The following TENM3 variants were observed in gnomAD, a reference collection of about 807,000 sequenced individuals.
The protein encoded by TENM3 is teneurin-3.
Under a neutral mutation model 255.1 loss-of-function variants are expected in TENM3, and 63 were observed. That is an observed-to-expected ratio of 0.25 (90% CI 0.20 to 0.30). TENM3 has a LOEUF of 0.30. TENM3 is among the 10% of genes least tolerant of loss of function. The probability of loss-of-function intolerance (pLI) is 1.00; values close to 1 mark genes in which losing one functional copy is unlikely to be tolerated. For synonymous variants in TENM3, 1,306 were observed against 1,322.3 expected, an observed-to-expected ratio of 0.99 and a Z score of 0.27; for missense variants, 2,929 against 3,461.1, an observed-to-expected ratio of 0.85 and a Z score of 3.86.
the TENM3 span, among the ~76,000 whole-genome samples, chr4:181,922,993 C>T: frequency 5.9e-5 from 9 of 152,162 alleles, no homozygotes; most frequent in African/African-American, 1.9e-4. Flanking sequence ...TCGTTATGTA[C>T]CCAGTAGTCA....
intron 4 of TENM3, among the ~76,000 whole-genome samples, chr4:182,620,820 C>G (rs946260219): frequency 1.3e-5 from 2 of 152,120 alleles, no homozygotes; most frequent in Non-Finnish European, 2.9e-5. Flanking sequence ...CCTCAAACTT[C>G]TGGGCTTAAG....
chr4:181,879,621 T>G, the TENM3 span, among the ~76,000 whole-genome samples: 4 of 152,180 alleles, frequency 2.6e-5, no homozygotes, highest in African/African-American at 9.7e-5. Context: ...GTTTTTAAAA[T>G]TCATATACAG....
the TENM3 span, among the ~76,000 whole-genome samples, chr4:181,743,527 A>T: frequency 6.6e-6 from 1 of 152,158 alleles, no homozygotes; most frequent in Non-Finnish European, 1.5e-5. Context: ...AAGCCTGCAG[A>T]TACCTGGGGA....
chr4:182,743,059 A>T, intron 18 of TENM3, 111 bp from the exon 19 acceptor site: 1 of 1,168,096 alleles, frequency 8.6e-7, no homozygotes, highest in Non-Finnish European at 1.2e-6. Flanking sequence ...AGAATGTCTT[A>T]ATCCAGACCT....
At chr4:182,221,569 G>A (rs1364110747) in intron 1 of TENM3, among the ~76,000 whole-genome samples, 2 of 152,136 alleles carry the variant, frequency 1.3e-5, no homozygotes, top group African/African-American at 2.4e-5. Flanking sequence ...ATGTAGTCTT[G>A]TATAATTAAC....
chr4:181,482,824 T>C, the TENM3 span, among the ~76,000 whole-genome samples: 1 of 152,108 alleles, frequency 6.6e-6, no homozygotes, highest in Non-Finnish European at 1.5e-5. Context: ...ATCCATTGAC[T>C]AAAATCTCAC....
At chr4:182,008,797 G>A in the TENM3 span, among the ~76,000 whole-genome samples, 1 of 152,024 alleles carries the variant, frequency 6.6e-6, no homozygotes, top group African/African-American at 2.4e-5. Flanking sequence ...GAGGAGAAGG[G>A]GCACTCTGGC....
chr4:182,207,471 C>T (rs1388333725), intron 1 of TENM3, among the ~76,000 whole-genome samples: 1 of 152,186 alleles, frequency 6.6e-6, no homozygotes, highest in Admixed American at 6.5e-5. Flanking sequence ...ACAGGGTGAG[C>T]ATGCTTCCCA....
the TENM3 span, among the ~76,000 whole-genome samples, chr4:181,500,921 A>C: frequency 6.6e-5 from 10 of 152,224 alleles, no homozygotes; most frequent in South Asian, 2.1e-4. Context: ...CTAAATATGC[A>C]AGGCTAGCCT....
chr4:181,704,972 T>C, the TENM3 span, among the ~76,000 whole-genome samples: 1 of 150,678 alleles, frequency 6.6e-6, no homozygotes, highest in Non-Finnish European at 1.5e-5. Context: ...GAGGTTGCAG[T>C]GAGCCCAGAT....
intron 3 of TENM3, among the ~76,000 whole-genome samples, chr4:182,542,559 A>G (rs182480463): frequency 3.9e-5 from 6 of 152,198 alleles, no homozygotes; most frequent in African/African-American, 1.2e-4. Flanking sequence ...TAGTTTCCCT[A>G]TACTGAGAGC....
At chr4:181,636,475 C>G in the TENM3 span, among the ~76,000 whole-genome samples, 1 of 152,158 alleles carries the variant, frequency 6.6e-6, no homozygotes, top group Non-Finnish European at 1.5e-5. Flanking sequence ...ATAACAACCT[C>G]TAGACTAGTG....
At position 182,745,319 on chromosome 4, in the gene TENM3, A is replaced by T. The variant is rs192082864; in HGVS notation, c.3629+1900A>T. On this transcript the variant is annotated intron_variant, in intron 19 of 27. Transcript: ENST00000511685. ...AAAATCAACACTTCATCTCCCCAGG[A>T]TACTGAGCGTGCAAAGCTCTGCTAT... Among the ~76,000 whole-genome samples, 10 of 152,340 alleles carry T rather than the reference A, an allele frequency of 6.6e-5. No individual in the cohort carries two copies. In the East Asian group the frequency reaches 1.7e-3, roughly 26 times the overall value.
At chr4:182,014,170 A>G in the TENM3 span, among the ~76,000 whole-genome samples, 9 of 147,712 alleles carry the variant, frequency 6.1e-5, no homozygotes, top group East Asian at 1.2e-3. Flanking sequence ...ACATATATAT[A>G]CATATATATA....
At chr4:182,282,743 A>G (rs1760466031) in intron 1 of TENM3, among the ~76,000 whole-genome samples, 1 of 151,916 alleles carries the variant, frequency 6.6e-6, no homozygotes, top group Non-Finnish European at 1.5e-5. Context: ...AAGTACAAAA[A>G]CTAGCTGGAT....
the TENM3 span, among the ~76,000 whole-genome samples, chr4:181,544,371 A>G: frequency 6.9e-6 from 1 of 144,278 alleles, no homozygotes; most frequent in Admixed American, 7.4e-5. Flanking sequence ...GGTCTTTTGC[A>G]TTCAAATACT....
At chr4:182,058,340 G>T in the TENM3 span, among the ~76,000 whole-genome samples, 1 of 152,042 alleles carries the variant, frequency 6.6e-6, no homozygotes, top group Non-Finnish European at 1.5e-5. Context: ...GTCTCTGGTG[G>T]CATAAAGAGT....
the TENM3 span, among the ~76,000 whole-genome samples, chr4:181,730,261 G>T: frequency 6.6e-6 from 1 of 152,176 alleles, no homozygotes; most frequent in Non-Finnish European, 1.5e-5. Context: ...TTCCACAAAA[G>T]GTGGACTGTA....
At chr4:181,658,409 A>G in the TENM3 span, among the ~76,000 whole-genome samples, 1 of 152,194 alleles carries the variant, frequency 6.6e-6, no homozygotes, top group African/African-American at 2.4e-5. Context: ...GAGAAAGGGC[A>G]GTATCTCAAG....
Sources: allele counts gnomAD v4.1 joint callset (sites outside exome capture counted in the v4.1 genomes callset), GRCh38; gene constraint gnomAD v4.1.1; transcripts MANE v1.5; gene names NCBI Gene and HGNC (gene_info 2026-07-23, HGNC 2026-07-21).